UNC5D: variants seen among roughly 807,000 people sequenced by gnomAD.
UNC5D encodes the protein unc-5 netrin receptor D, also known as netrin receptor UNC5D.
A neutral mutation model predicts 105.4 loss-of-function variants in UNC5D; 39 were observed. The ratio of observed to expected loss-of-function variants is 0.37; its 90% CI spans 0.29 to 0.48. The LOEUF is 0.48. Ranked by LOEUF, UNC5D falls within the 20% of genes least tolerant of loss-of-function variation. The probability of loss-of-function intolerance (pLI) is 0.98; values close to 1 mark genes in which losing one functional copy is unlikely to be tolerated. For synonymous variants in UNC5D, 452 were observed against 450.4 expected (o/e 1.00, Z -0.04); for missense variants, 991 against 1,202.4 (o/e 0.82, Z 2.60).
At chr8:35,632,365 G>A (rs1822094482) in intron 4 of UNC5D, among the ~76,000 whole-genome samples, 1 of 152,186 alleles carries the variant, frequency 6.6e-6, no homozygotes. Context: ...TTTGTTTTGT[G>A]TGTCCTGTGG....
At chr8:35,528,104 G>C (rs533759682) in intron 1 of UNC5D, among the ~76,000 whole-genome samples, 56 of 134,430 alleles carry the variant, frequency 4.2e-4, no homozygotes, top group South Asian at 1.0e-3. Context: ...GTGCAGGTTA[G>C]TTACATATGT....
chr8:35,515,760 A>G (rs948926817), intron 1 of UNC5D, among the ~76,000 whole-genome samples: 1 of 152,194 alleles, frequency 6.6e-6, no homozygotes, highest in Non-Finnish European at 1.5e-5. Context: ...AATCAATATA[A>G]AACTATTTTT....
intron 8 of UNC5D, among the ~76,000 whole-genome samples, chr8:35,708,350 ATAATT>A (rs1445565767): frequency 7.2e-5 from 11 of 152,250 alleles, no homozygotes; most frequent in Admixed American, 5.9e-4. Flanking sequence ...TGTAAATGAG[ATAATT>A]TAATCAATTA....
At chr8:35,300,570 T>C (rs1008994658) in intron 1 of UNC5D, among the ~76,000 whole-genome samples, 3 of 146,668 alleles carry the variant, frequency 2.0e-5, no homozygotes, top group Non-Finnish European at 4.5e-5. Context: ...CAGTAATAAA[T>C]GAACTTCACT....
At chr8:35,511,494 A>AAAT (rs1812695819) in intron 1 of UNC5D, among the ~76,000 whole-genome samples, 1 of 149,476 alleles carries the variant, frequency 6.7e-6, no homozygotes. Flanking sequence ...AAAAAAAAAA[A>AAAT]AGGTCTTAAT....
intron 11 of UNC5D, among the ~76,000 whole-genome samples, chr8:35,745,671 C>A (rs1299372955): frequency 1.3e-5 from 2 of 152,128 alleles, no homozygotes; most frequent in Non-Finnish European, 2.9e-5. Context: ...ACAAATATAT[C>A]AGCATGCATG....
At chr8:35,576,119 G>C (rs2130820170) in intron 3 of UNC5D, among the ~76,000 whole-genome samples, 1 of 152,074 alleles carries the variant, frequency 6.6e-6, no homozygotes, top group South Asian at 2.1e-4. Context: ...AGGACCCAAT[G>C]CAAAATGAAA....
chr8:35,413,898 A>T (rs1466182274), intron 1 of UNC5D, among the ~76,000 whole-genome samples: 2 of 152,104 alleles, frequency 1.3e-5, no homozygotes, highest in Non-Finnish European at 2.9e-5. Flanking sequence ...TAGAGTATGG[A>T]TGCTACATCA....
intron 1 of UNC5D, among the ~76,000 whole-genome samples, chr8:35,383,807 G>A (rs547378517): frequency 6.6e-5 from 10 of 152,262 alleles, no homozygotes; most frequent in Middle Eastern, 3.4e-3. Flanking sequence ...GGCCTGGTGT[G>A]GAGACTCACA....
At chr8:35,255,166 A>G (rs1803988219) in intron 1 of UNC5D, 1 of 152,166 alleles carries the variant, frequency 6.6e-6, no homozygotes, top group Admixed American at 6.5e-5. Context: ...CAAGTGCTAA[A>G]CTAACACTCT....
chr8:35,743,111 A>G (rs1829841830), intron 11 of UNC5D, among the ~76,000 whole-genome samples: 1 of 152,196 alleles, frequency 6.6e-6, no homozygotes, highest in African/African-American at 2.4e-5. Flanking sequence ...CAGGTCATCA[A>G]GACAGAAAGT....
chr8:35,255,584 C>T (rs1482511811), intron 1 of UNC5D: 1 of 152,046 alleles, frequency 6.6e-6, no homozygotes, highest in Non-Finnish European at 1.5e-5. Context: ...TGGTATGCTA[C>T]CATATACTAG....
intron 1 of UNC5D, among the ~76,000 whole-genome samples, chr8:35,506,096 G>A (rs1347443948): frequency 6.6e-6 from 1 of 152,150 alleles, no homozygotes; most frequent in Non-Finnish European, 1.5e-5. Context: ...TTTATTATTT[G>A]ATGGAAAGTA....
chr8:35,768,304 T>C (rs1801861265), intron 15 of UNC5D, among the ~76,000 whole-genome samples: 1 of 152,172 alleles, frequency 6.6e-6, no homozygotes, highest in South Asian at 2.1e-4. Flanking sequence ...GCGTTCATTA[T>C]TGCCAATTAG....
intron 1 of UNC5D, among the ~76,000 whole-genome samples, chr8:35,357,382 C>A (rs1275773989): frequency 6.6e-6 from 1 of 152,142 alleles, no homozygotes; most frequent in Non-Finnish European, 1.5e-5. Context: ...ACAAGCTTTG[C>A]TCATTAACCC....
At chr8:35,501,884 T>C (rs1762200459) in intron 1 of UNC5D, among the ~76,000 whole-genome samples, 1 of 152,240 alleles carries the variant, frequency 6.6e-6, no homozygotes, top group Admixed American at 6.5e-5. Flanking sequence ...TTAATTGATA[T>C]GTTTTCCCCT....
intron 4 of UNC5D, among the ~76,000 whole-genome samples, chr8:35,640,630 C>T (rs956027851): frequency 3.2e-4 from 49 of 152,060 alleles, no homozygotes; most frequent in African/African-American, 1.1e-3. Context: ...CAGGATGACG[C>T]AGTGGAAGAT....
At position 35,268,530 on chromosome 8, in the gene UNC5D, C is replaced by T. The variant is rs1805050820; in HGVS notation, c.103+32643C>T. ...TGCATATTAAATCACATTTCTCTGG[C>T]TAGGGTTATTAATAACTAATGTTTC... On this transcript the variant is annotated intron_variant, in intron 1 of 16. Coordinates refer to ENST00000404895, the MANE Select transcript of UNC5D (RefSeq NM_080872.4). 1.3e-5 allele frequency among the ~76,000 whole-genome samples: 2 copies of T among 152,220 alleles called. 1 individual carries two copies. The highest frequency in any genetic ancestry group is 4.1e-4 in the South Asian group (2 of 4,822).
At chr8:35,285,082 G>T (rs1806493072) in intron 1 of UNC5D, among the ~76,000 whole-genome samples, 1 of 152,048 alleles carries the variant, frequency 6.6e-6, no homozygotes, top group Non-Finnish European at 1.5e-5. Flanking sequence ...CTCATGTTTT[G>T]GTGACTTTTT....
Sources: allele counts gnomAD v4.1 joint callset (sites outside exome capture counted in the v4.1 genomes callset), GRCh38; gene constraint gnomAD v4.1.1; transcripts MANE v1.5; gene names NCBI Gene and HGNC (gene_info 2026-07-23, HGNC 2026-07-21).